Variants in NPR3 observed in about 807,000 individuals in gnomAD.
The protein encoded by NPR3 is atrial natriuretic peptide receptor 3.
In NPR3, 34 loss-of-function variants were observed where a neutral mutation model predicts 54.5. The ratio of observed to expected loss-of-function variants is 0.62; its 90% CI spans 0.47 to 0.83. The LOEUF (loss-of-function observed/expected upper bound fraction) is 0.83. NPR3 is among the 40% of genes least tolerant of loss of function. The pLI is 0.00. For synonymous variants in NPR3, 289 were observed against 297.1 expected, an observed-to-expected ratio of 0.97 and a Z score of 0.28; for missense variants, 674 against 720.8, an observed-to-expected ratio of 0.94 and a Z score of 0.74.
At chr5:32,739,242 C>T (rs562389785) in intron 3 of NPR3, among the ~76,000 whole-genome samples, 1 of 151,158 alleles carries the variant, frequency 6.6e-6, no homozygotes, top group East Asian at 1.9e-4. Context: ...TACCCACTAT[C>T]ATCTCTACCC....
At chr5:32,697,741 T>G (rs112330144) in intron 1 of NPR3, among the ~76,000 whole-genome samples, 13,880 of 152,136 alleles carry the variant, frequency 0.091, 2,059 homozygotes, top group African/African-American at 0.32. Context: ...GTCTAGGAAT[T>G]TATCCATTTC....
intron 3 of NPR3, among the ~76,000 whole-genome samples, chr5:32,763,829 A>T (rs972997870): frequency 1.3e-5 from 2 of 152,176 alleles, no homozygotes; most frequent in Non-Finnish European, 2.9e-5. Flanking sequence ...TTGTATTCAG[A>T]GTATTTATTT....
At chr5:32,753,366 A>C (rs1284664988) in intron 3 of NPR3, among the ~76,000 whole-genome samples, 2 of 151,176 alleles carry the variant, frequency 1.3e-5, no homozygotes, top group Non-Finnish European at 3.0e-5. Context: ...CACTTCAGTT[A>C]ATTTGGCCAG....
chr5:32,703,108 A>G (rs567419563), intron 1 of NPR3, among the ~76,000 whole-genome samples: 5 of 152,100 alleles, frequency 3.3e-5, no homozygotes, highest in Admixed American at 1.3e-4. Context: ...GGTCATCACC[A>G]CTTCAGGATT....
intron 1 of NPR3, among the ~76,000 whole-genome samples, chr5:32,722,120 G>C (rs1478105694): frequency 1.3e-5 from 2 of 152,098 alleles, no homozygotes; most frequent in South Asian, 2.1e-4. Flanking sequence ...GAGAGAAGGA[G>C]ATGGGCCGGG....
intron 1 of NPR3, among the ~76,000 whole-genome samples, chr5:32,692,466 A>G (rs1259590171): frequency 1.3e-5 from 2 of 152,248 alleles, no homozygotes; most frequent in Non-Finnish European, 2.9e-5. Context: ...GGAGTTACCA[A>G]CAACTGAATA....
chr5:32,739,752 C>T (rs1201154384), intron 3 of NPR3, among the ~76,000 whole-genome samples: 1 of 152,188 alleles, frequency 6.6e-6, no homozygotes, highest in Admixed American at 6.5e-5. Context: ...ACATGGCCAA[C>T]ATGCCACTCC....
At position 32,742,353 on chromosome 5, in the gene NPR3, G is replaced by C. The variant is rs143555848; in HGVS notation, c.1059+3323G>C. On this transcript the variant is annotated intron_variant, in intron 3 of 7. Coordinates refer to ENST00000265074, the MANE Select transcript of NPR3 (RefSeq NM_001204375.2). Reference sequence around the variant, plus strand: ...GTGTACTTAAGAAGCTGGGCACAGTGGTACACGCCTGTAATCCCAGGTACT... The same window carrying C: ...GTGTACTTAAGAAGCTGGGCACAGTCGTACACGCCTGTAATCCCAGGTACT... Among the ~76,000 whole-genome samples the C allele has an allele frequency of 1.0e-3, 156 of 152,114 alleles. 2 individuals are homozygous for C. Among genetic ancestry groups the C allele is most frequent in the African/African-American group, 3.4e-3 (140 of 41,486 alleles).
At position 32,740,078 on chromosome 5, in the gene NPR3, G is replaced by A. The variant is rs60614401; in HGVS notation, c.1059+1048G>A. ...AGCACCTTCTTAATGATAGGCATAT[G>A]GCCTGGATAGTCTCTGCCCAAGTTG... On this transcript the variant is annotated intron_variant, in intron 3 of 7. Transcript: ENST00000265074. 3.3e-3 allele frequency among the ~76,000 whole-genome samples: 510 copies of A among 152,268 alleles called. 5 individuals carry two copies. The highest frequency in any genetic ancestry group is 0.012 in the African/African-American group (492 of 41,546).
intron 4 of NPR3, among the ~76,000 whole-genome samples, chr5:32,780,056 C>T (rs886518466): frequency 1.3e-5 from 2 of 152,168 alleles, no homozygotes; most frequent in African/African-American, 4.8e-5. Context: ...CAAGCTAAAT[C>T]CCCAGTCCAG....
At chr5:32,748,552 G>A (rs10061807) in intron 3 of NPR3, among the ~76,000 whole-genome samples, 45,793 of 152,080 alleles carry the variant, frequency 0.3, 7,015 homozygotes, top group African/African-American at 0.34. Flanking sequence ...GATGCTGCCC[G>A]AGGCAAAGGG....
chr5:32,740,825 G>A (rs948301797), intron 3 of NPR3, among the ~76,000 whole-genome samples: 2 of 152,022 alleles, frequency 1.3e-5, no homozygotes, highest in Non-Finnish European at 2.9e-5. Context: ...CTACCGTATT[G>A]GACAGCGTGT....
intron 1 of NPR3, among the ~76,000 whole-genome samples, chr5:32,703,743 C>G (rs1737895469): frequency 6.6e-6 from 1 of 152,222 alleles, no homozygotes; most frequent in Non-Finnish European, 1.5e-5. Context: ...AGACAGTCCT[C>G]TTTTCTCTTC....
In NPR3 at chr5:32,712,509, G is replaced by A; in HGVS notation, c.733G>A (p.Glu245Lys). The change falls in exon 1 of 8, where the codon GAA (glutamate) becomes AAA (lysine). Residue 245 changes from glutamate (E) to lysine (K), a missense_variant. Coordinates refer to ENST00000265074, the MANE Select transcript of NPR3 (RefSeq NM_001204375.2). Reference protein sequence around the residue: ...SFDETKDLDLEDIVRNIQASE... With the variant: ...SFDETKDLDLKDIVRNIQASE... ...CGACGAGACCAAAGACTTGGATCTG[G>A]AAGACATCGTGCGCAATATCCAGGC... The A allele has an allele frequency of 3.2e-6, 5 of 1,544,928 alleles. No individual in the cohort carries two copies. The highest frequency in any genetic ancestry group is 2.6e-6 in the Non-Finnish European group (3 of 1,147,486).
chr5:32,718,852 C>A (rs927895301), intron 1 of NPR3, among the ~76,000 whole-genome samples: 5 of 152,128 alleles, frequency 3.3e-5, no homozygotes, highest in African/African-American at 1.2e-4. Flanking sequence ...CTTTCTCCTG[C>A]CTGATTGCCC....
intron 1 of NPR3, among the ~76,000 whole-genome samples, chr5:32,714,170 G>C (rs1738419993): frequency 6.6e-6 from 1 of 152,020 alleles, no homozygotes; most frequent in South Asian, 2.1e-4. Flanking sequence ...AGGCCGGCTG[G>C]GACTGGGGGT....
intron 3 of NPR3, among the ~76,000 whole-genome samples, chr5:32,755,387 C>A (rs890852362): frequency 6.6e-6 from 1 of 152,140 alleles, no homozygotes; most frequent in Non-Finnish European, 1.5e-5. Context: ...TTTTTGTTAA[C>A]CACTTGACTC....
chr5:32,735,863 T>C (rs572324242), intron 2 of NPR3, among the ~76,000 whole-genome samples: 2 of 152,328 alleles, frequency 1.3e-5, no homozygotes, highest in East Asian at 1.9e-4. Context: ...GTATCAGTTA[T>C]GGTTGGGAAT....
At chr5:32,703,084 G>A (rs114413706) in intron 1 of NPR3, among the ~76,000 whole-genome samples, 2,182 of 152,194 alleles carry the variant, frequency 0.014, 24 homozygotes, top group Non-Finnish European at 0.022. Flanking sequence ...ATAAGCAAAG[G>A]AATCTCTCCA....
Sources: gnomAD v4.1 joint callset for allele counts (sites outside exome capture counted in the v4.1 genomes callset) on GRCh38, gnomAD v4.1.1 for gene constraint, MANE v1.5 for transcripts, NCBI Gene and HGNC (gene_info 2026-07-23, HGNC 2026-07-21) for gene names.